The following GFOD1 variants were observed in gnomAD, a reference collection of about 807,000 sequenced individuals.
GFOD1 encodes the protein glucose-fructose oxidoreductase domain-containing protein 1.
GFOD1 carries 9 observed loss-of-function variants against 25.4 expected under a neutral mutation model. The ratio of observed to expected loss-of-function variants is 0.35; its 90% CI spans 0.21 to 0.62. The LOEUF is 0.62. GFOD1 is among the 20% of genes least tolerant of loss of function. The pLI, the probability that GFOD1 is intolerant of heterozygous loss-of-function variation, is 0.72. For missense variants in GFOD1, 403 were observed against 556.9 expected (o/e 0.72, Z 2.78); for synonymous variants, 253 against 245.6 (o/e 1.03, Z -0.28).
At chr6:13,402,482 TAAG>T (rs1298500935) in intron 1 of GFOD1, among the ~76,000 whole-genome samples, 4 of 152,114 alleles carry the variant, frequency 2.6e-5, no homozygotes, top group Non-Finnish European at 5.9e-5. Context: ...AACAATTCAG[TAAG>T]AAGAAGACAA....
At chr6:13,464,275 C>G (rs1758342619) in intron 1 of GFOD1, among the ~76,000 whole-genome samples, 1 of 152,216 alleles carries the variant, frequency 6.6e-6, no homozygotes. Flanking sequence ...AGACGTTCAT[C>G]TGGGTTCCAG....
intron 1 of GFOD1, chr6:13,486,109 C>G: frequency 1.0e-6 from 1 of 986,906 alleles, no homozygotes; most frequent in Middle Eastern, 5.2e-4. Context: ...TAGCAGGGCG[C>G]CACCGCTGCT....
chr6:13,377,275 C>A (rs149045679), intron 1 of GFOD1, among the ~76,000 whole-genome samples: 66 of 152,290 alleles, frequency 4.3e-4, no homozygotes, highest in African/African-American at 1.5e-3. Flanking sequence ...ACAAACTGAG[C>A]AGCTTAAAAC....
rs748619864 is a variant in GFOD1 at position 13,486,915 on chromosome 6, G to A, written c.-25C>T. The A allele has an allele frequency of 3.1e-6, 5 of 1,599,564 alleles. No homozygotes were observed. Among genetic ancestry groups the A allele is most frequent in the Non-Finnish European group, 4.2e-6 (5 of 1,177,436 alleles). ...TGGCTGCTCAGAGCCGCCTGGTTCT[G>A]CTTCTGCTCGGATCTCCAGTCCAAC... On this transcript the variant is annotated 5_prime_UTR_variant, in exon 1 of 2. Transcript: ENST00000379287.
rs1453776053 is a variant in GFOD1 at position 13,362,449 on chromosome 6, G to T, written c.*2294C>A. 2 of 140,988 alleles carry T rather than the reference G, an allele frequency of 1.4e-5. No homozygotes were observed. Among genetic ancestry groups the T allele is most frequent in the African/African-American group, 5.5e-5 (2 of 36,110 alleles). The allele number at this position is 140,988 out of a possible 1,614,324, so 8.7% of individuals were successfully genotyped here. ...TGCACTCCAGCTTGGGTGACAGAGC[G>T]AGACTCCATTTCAAAAAAAAAAAAA... is the stretch of plus-strand genomic sequence containing the variant. On this transcript the variant is annotated 3_prime_UTR_variant, in exon 2 of 2. Transcript: ENST00000379287.
At position 13,410,775 on chromosome 6, in the gene GFOD1, C is replaced by G. The variant is rs1786063934; in HGVS notation, c.254-45113G>C. Among the ~76,000 whole-genome samples, 3 of 151,944 alleles carry G rather than the reference C, an allele frequency of 2.0e-5. No individual in the cohort carries two copies. In the South Asian group the frequency reaches 6.2e-4, roughly 32 times the overall value. On this transcript the variant is annotated intron_variant, in intron 1 of 1. Coordinates refer to ENST00000379287, the MANE Select transcript of GFOD1 (RefSeq NM_018988.4). Reference sequence around the variant, plus strand: ...GATCCCAGGACAGACCAATATAGGTCTGACCAATTTGGATGGAAGGAGAAA... The same window carrying G: ...GATCCCAGGACAGACCAATATAGGTGTGACCAATTTGGATGGAAGGAGAAA...
chr6:13,465,902 G>A (rs1403213623), intron 1 of GFOD1, among the ~76,000 whole-genome samples: 1 of 152,174 alleles, frequency 6.6e-6, no homozygotes, highest in Non-Finnish European at 1.5e-5. Flanking sequence ...AGCTGACACA[G>A]GAAACTGTCA....
rs1314572466 is a variant in GFOD1, at chr6:13,401,126, A to AT, written c.254-35465dup. 2.0e-5 allele frequency among the ~76,000 whole-genome samples: 3 copies of AT among 152,336 alleles called. No homozygotes were observed. In the East Asian group the frequency reaches 5.8e-4, roughly 29 times the overall value. ...ATTTAAGGAGGATGTCTGACTATAG[A>AT]TGTTAGCCTGTGTGAGGTGACAGAC... is the stretch of plus-strand genomic sequence containing the variant. On this transcript the variant is annotated intron_variant, in intron 1 of 1. Transcript: ENST00000379287.
At chr6:13,415,518 G>A (rs1249719600) in intron 1 of GFOD1, among the ~76,000 whole-genome samples, 3 of 152,152 alleles carry the variant, frequency 2.0e-5, no homozygotes, top group African/African-American at 7.2e-5. Context: ...CAGACCTGGG[G>A]GTGGCTGCAG....
intron 1 of GFOD1, among the ~76,000 whole-genome samples, chr6:13,418,103 A>G (rs550054251): frequency 6.6e-6 from 1 of 152,356 alleles, no homozygotes; most frequent in South Asian, 2.1e-4. Context: ...GAAGAGAGAA[A>G]GGTATCATGC....
intron 1 of GFOD1, among the ~76,000 whole-genome samples, chr6:13,478,588 C>G (rs1758679302): frequency 6.6e-6 from 1 of 152,212 alleles, no homozygotes; most frequent in Non-Finnish European, 1.5e-5. Flanking sequence ...TCATGTATCC[C>G]CCACACCGTG....
intron 1 of GFOD1, among the ~76,000 whole-genome samples, chr6:13,416,387 A>G (rs1786162967): frequency 1.3e-5 from 2 of 152,252 alleles, no homozygotes; most frequent in Admixed American, 1.3e-4. Flanking sequence ...AAATGCTATG[A>G]AAGAAACCAA....
intron 1 of GFOD1, among the ~76,000 whole-genome samples, chr6:13,381,286 T>A (rs1785357280): frequency 6.6e-6 from 1 of 152,218 alleles, no homozygotes; most frequent in African/African-American, 2.4e-5. Context: ...CAACACTCAT[T>A]CAAAATCTGA....
intron 1 of GFOD1, among the ~76,000 whole-genome samples, chr6:13,377,034 TA>T (rs200769881): frequency 4.0e-5 from 6 of 151,082 alleles, no homozygotes; most frequent in Admixed American, 1.3e-4. Flanking sequence ...TTTTTTTTTT[TA>T]AAAGCCAATA....
chr6:13,390,800 G>GAAGGAAGA (rs1562202800), intron 1 of GFOD1, among the ~76,000 whole-genome samples: 4 of 150,774 alleles, frequency 2.7e-5, no homozygotes, highest in African/African-American at 7.3e-5. Context: ...AGGAAGGAAG[G>GAAGGAAGA]AAGGAAGGAA....
Position 13,408,099 on chromosome 6 carries a change from A to G in GFOD1, c.254-42437T>C, listed in dbSNP as rs1051049049. On this transcript the variant is annotated intron_variant, in intron 1 of 1. Transcript: ENST00000379287. ...GAAGAACGTGGCTGAGAGCCCGGCC[A>G]CGGTAGCATCTATCCTCCACATAGA... The G allele has an allele frequency of 1.2e-5, 12 of 985,286 alleles. No individual in the cohort carries two copies. In the African/African-American group the frequency reaches 1.9e-4, roughly 16 times the overall value. The allele number at this position is 985,286 out of a possible 1,614,324, so 61.0% of individuals were successfully genotyped here.
rs181145062 is a variant in GFOD1 at position 13,395,770 on chromosome 6, C to T, written c.254-30108G>A. ...GTTCCCACTGAAGAAACTTCCTTGG[C>T]ATCAACGCTACGGCCACTCCACCGT... is the stretch of plus-strand genomic sequence containing the variant. On this transcript the variant is annotated intron_variant, in intron 1 of 1. Transcript: ENST00000379287. Among the ~76,000 whole-genome samples the T allele has an allele frequency of 3.3e-5, 5 of 152,296 alleles. No individual in the cohort carries two copies. The East Asian group carries it at 9.6e-4, about 29-fold the overall frequency.
In GFOD1 at chr6:13,365,699, G is replaced by C; in HGVS notation, c.254-37C>G. ...AGGAAGACAGCGGTCAGCGGGGCAGGACCATGTCCGAGCGCGCGTCCCTGG... is the reference window on the plus strand; with the variant it reads ...AGGAAGACAGCGGTCAGCGGGGCAGCACCATGTCCGAGCGCGCGTCCCTGG... On this transcript the variant is annotated intron_variant, in intron 1 of 1. Coordinates refer to ENST00000379287, the MANE Select transcript of GFOD1 (RefSeq NM_018988.4). The surrounding 1 kb of genome is among the most constrained non-coding windows in gnomAD (Gnocchi z 9.2). The C allele has an allele frequency of 7.0e-7, 1 of 1,425,324 alleles. No individual in the cohort carries two copies. The highest frequency in any genetic ancestry group is 9.7e-7 in the Non-Finnish European group (1 of 1,029,456). The allele number at this position is 1,425,324 out of a possible 1,614,324, so 88.3% of individuals were successfully genotyped here.
chr6:13,415,583 T>A (rs1013505130), intron 1 of GFOD1, among the ~76,000 whole-genome samples: 2 of 152,200 alleles, frequency 1.3e-5, no homozygotes, highest in African/African-American at 4.8e-5. Context: ...CATCTGCCCA[T>A]GTCCTGAGTC....
Sources: allele counts gnomAD v4.1 joint callset (sites outside exome capture counted in the v4.1 genomes callset), GRCh38; gene constraint gnomAD v4.1.1; non-coding constraint Gnocchi (gnomAD v3.1); transcripts MANE v1.5; gene names NCBI Gene and HGNC (gene_info 2026-07-23, HGNC 2026-07-21).